Variants in ZMIZ1 observed in about 807,000 individuals in gnomAD.
The protein encoded by ZMIZ1 is zinc finger MIZ-type containing 1.
In ZMIZ1, 17 loss-of-function variants were observed where a neutral mutation model predicts 113.9. The observed-to-expected ratio is 0.15, with a 90% CI of 0.10 to 0.22. ZMIZ1 has a LOEUF of 0.22. Among genes scored for constraint, ZMIZ1 ranks in the 10% least tolerant of loss-of-function variants. The pLI is 1.00. For missense variants in ZMIZ1, 1,059 were observed against 1,477.8 expected (o/e 0.72, Z 4.65); for synonymous variants, 607 against 603.1 (o/e 1.01, Z -0.09).
chr10:79,260,351 A>G (rs181088496), intron 7 of ZMIZ1, among the ~76,000 whole-genome samples: 2 of 152,306 alleles, frequency 1.3e-5, no homozygotes, highest in African/African-American at 4.8e-5. Context: ...ACAATGAGGC[A>G]GGGGAGGAAA....
rs117089629 is a variant in ZMIZ1, at chr10:79,103,234, G to A, written c.-336-15681G>A. The stretch of plus-strand genomic sequence containing the variant: ...GGTGCCCGAGAACTGAGGACATGGG[G>A]AAACCGTGAGGGGGAGCGAGCAGAG... On this transcript the variant is annotated intron_variant, in intron 1 of 24. Coordinates refer to ENST00000334512, the MANE Select transcript of ZMIZ1 (RefSeq NM_020338.4). Among the ~76,000 whole-genome samples the A allele has an allele frequency of 8.9e-3, 1,353 of 152,256 alleles. 10 individuals are homozygous for A. The highest frequency in any genetic ancestry group is 0.013 in the Non-Finnish European group (893 of 68,016).
At chr10:79,222,080 G>C (rs1848999147) in intron 7 of ZMIZ1, among the ~76,000 whole-genome samples, 1 of 152,270 alleles carries the variant, frequency 6.6e-6, no homozygotes, top group African/African-American at 2.4e-5. Context: ...GAAGAGGCCA[G>C]CTTTCCTTAG....
chr10:79,093,289 TTTTA>T (rs367815803), intron 1 of ZMIZ1, among the ~76,000 whole-genome samples: 50,027 of 139,198 alleles, frequency 0.36, 9,239 homozygotes, highest in East Asian at 0.44. Flanking sequence ...CCCAGTTTTA[TTTTA>T]TTTATTTATT....
rs1463914368 is a variant in ZMIZ1, at chr10:79,113,769, A to T, written c.-336-5146A>T. ...TTCCCTGGCACCCCTACTCTGGCCA[A>T]GGCTGCCCCCCTTTCCTCTGAGCCC... On this transcript the variant is annotated intron_variant, in intron 1 of 24. Transcript: ENST00000334512. Among the ~76,000 whole-genome samples the T allele has an allele frequency of 4.0e-5, 6 of 151,682 alleles. No individual in the cohort carries two copies. In the East Asian group the frequency reaches 1.2e-3, roughly 30 times the overall value.
At chr10:79,271,157 A>G (rs542564284) in intron 7 of ZMIZ1, among the ~76,000 whole-genome samples, 168 of 152,288 alleles carry the variant, frequency 1.1e-3, no homozygotes, top group South Asian at 0.011. Flanking sequence ...TCATCTACTC[A>G]GGGCCCCCAC....
chr10:79,175,192 C>T (rs1370789117), intron 4 of ZMIZ1, among the ~76,000 whole-genome samples: 1 of 152,196 alleles, frequency 6.6e-6, no homozygotes, highest in African/African-American at 2.4e-5. Flanking sequence ...AAGCCTTACG[C>T]TAATTCATGA....
intron 5 of ZMIZ1, among the ~76,000 whole-genome samples, chr10:79,207,553 C>T (rs914820504): frequency 3.9e-5 from 6 of 152,144 alleles, no homozygotes; most frequent in African/African-American, 1.4e-4. Flanking sequence ...TGAAGCGGAA[C>T]CAGGAGGCCC....
At chr10:79,078,570 C>CTTTTTTTTTT (rs34178865) in intron 1 of ZMIZ1, among the ~76,000 whole-genome samples, 3 of 87,812 alleles carry the variant, frequency 3.4e-5, no homozygotes, top group Non-Finnish European at 6.3e-5. Context: ...CCACCCCCGA[C>CTTTTTTTTTT]TTTTTTTTTT....
intron 7 of ZMIZ1, among the ~76,000 whole-genome samples, chr10:79,258,029 A>C (rs1589505102): frequency 6.6e-6 from 1 of 152,206 alleles, no homozygotes; most frequent in Admixed American, 6.5e-5. Flanking sequence ...CTGGATTTGC[A>C]GAGCCCAGCG....
Position 79,201,709 on chromosome 10 carries a change from G to C in ZMIZ1, c.60+17G>C, listed in dbSNP as rs567253701. The C allele has an allele frequency of 6.2e-7, 1 of 1,611,594 alleles. No homozygotes were observed. Among genetic ancestry groups the C allele is most frequent in the Admixed American group, 1.7e-5 (1 of 59,946 alleles). On this transcript the variant is annotated intron_variant, in intron 5 of 24. Coordinates refer to ENST00000334512, the MANE Select transcript of ZMIZ1 (RefSeq NM_020338.4). Reference sequence around the variant, plus strand: ...ATCAAGCAGGTGGGTGTGGGGCAAGGCACACTCCGAGGGCGGGGCAGATGG... The same window carrying C: ...ATCAAGCAGGTGGGTGTGGGGCAAGCCACACTCCGAGGGCGGGGCAGATGG...
At chr10:79,251,202 G>A (rs1056712448) in intron 7 of ZMIZ1, among the ~76,000 whole-genome samples, 1 of 152,100 alleles carries the variant, frequency 6.6e-6, no homozygotes, top group Non-Finnish European at 1.5e-5. Context: ...CCCTACGTCT[G>A]TCCCCCTCCT....
chr10:79,188,324 G>A (rs748640141), intron 4 of ZMIZ1, among the ~76,000 whole-genome samples: 1 of 152,114 alleles, frequency 6.6e-6, no homozygotes, highest in Non-Finnish European at 1.5e-5. Flanking sequence ...TCCGCCTCAG[G>A]CAGCTCATGT....
chr10:79,279,114 C>T (rs914759263), intron 8 of ZMIZ1, among the ~76,000 whole-genome samples: 2 of 149,390 alleles, frequency 1.3e-5, no homozygotes, highest in African/African-American at 5.1e-5. Flanking sequence ...GGCTGCCCCC[C>T]ACCTCCCGGA....
chr10:79,150,098 T>TTCC (rs1207655489), intron 3 of ZMIZ1, among the ~76,000 whole-genome samples: 1 of 152,158 alleles, frequency 6.6e-6, no homozygotes, highest in East Asian at 1.9e-4. Flanking sequence ...AGGGCGGGGC[T>TTCC]GGAGGATGGG....
chr10:79,148,100 A>G (rs1045616198), intron 3 of ZMIZ1, among the ~76,000 whole-genome samples: 1 of 152,118 alleles, frequency 6.6e-6, no homozygotes, highest in Non-Finnish European at 1.5e-5. Context: ...ACCTGCATTC[A>G]TGTGTCTGTT....
chr10:79,188,390 G>A (rs571577484), intron 4 of ZMIZ1, among the ~76,000 whole-genome samples: 33 of 152,256 alleles, frequency 2.2e-4, no homozygotes, highest in Admixed American at 1.8e-3. Context: ...CGCTCTTCCC[G>A]CCCCCGAGCC....
chr10:79,154,885 A>G (rs1845847164), intron 3 of ZMIZ1, among the ~76,000 whole-genome samples: 1 of 152,174 alleles, frequency 6.6e-6, no homozygotes, highest in Non-Finnish European at 1.5e-5. Flanking sequence ...CCCCAAGTCT[A>G]CACTGGGCAG....
At chr10:79,201,839 C>A in intron 5 of ZMIZ1, 147 bp downstream of exon 5, 1 of 840,604 alleles carries the variant, frequency 1.2e-6, no homozygotes, top group Non-Finnish European at 1.9e-6. Flanking sequence ...CTGGCACTGA[C>A]CAGCCTAATG....
At chr10:79,250,685 G>A (rs1410353759) in intron 7 of ZMIZ1, among the ~76,000 whole-genome samples, 1 of 152,230 alleles carries the variant, frequency 6.6e-6, no homozygotes, top group Non-Finnish European at 1.5e-5. Context: ...CTGGGCAGAG[G>A]GTCTGTGAGT....
Sources: allele counts gnomAD v4.1 joint callset (sites outside exome capture counted in the v4.1 genomes callset), GRCh38; gene constraint gnomAD v4.1.1; transcripts MANE v1.5; gene names NCBI Gene and HGNC (gene_info 2026-07-23, HGNC 2026-07-21).